ITPR2: variants seen among roughly 807,000 people sequenced by gnomAD.
ITPR2 encodes inositol 1,4,5-trisphosphate receptor type 2.
In ITPR2, 207 loss-of-function variants were observed where a neutral mutation model predicts 317.1. The observed-to-expected ratio is 0.65, with a 90% CI of 0.58 to 0.73. The LOEUF (loss-of-function observed/expected upper bound fraction) is 0.73, where lower values mean the gene tolerates loss of function less well. Ranked by LOEUF, ITPR2 falls within the 30% of genes least tolerant of loss-of-function variation. ITPR2 has a pLI of 0.00. For synonymous variants in ITPR2, 1,156 were observed against 1,149.1 expected, an observed-to-expected ratio of 1.01 and a Z score of -0.12; for missense variants, 2,613 against 3,284.0, an observed-to-expected ratio of 0.80 and a Z score of 4.99.
At chr12:26,769,440 G>C (rs1022546538) in intron 2 of ITPR2, among the ~76,000 whole-genome samples, 1 of 152,054 alleles carries the variant, frequency 6.6e-6, no homozygotes, top group Non-Finnish European at 1.5e-5. Context: ...AGGAAAGGCA[G>C]TTGACTTCGG....
Position 26,491,472 on chromosome 12 carries a change from G to C in ITPR2, c.5370+2681C>G, listed in dbSNP as rs1424516350. On this transcript the variant is annotated intron_variant, in intron 39 of 56. Transcript: ENST00000381340. Reference sequence around the variant, plus strand: ...CACTCCAGCCTGGGCCACAGAGCAAGACTCCATCTCAAAAAAAAAAAAAAA... The same window carrying C: ...CACTCCAGCCTGGGCCACAGAGCAACACTCCATCTCAAAAAAAAAAAAAAA... Among the ~76,000 whole-genome samples, 28 of 94,466 alleles carry C rather than the reference G, an allele frequency of 3.0e-4. No homozygotes were observed. The Admixed American group carries it at 5.0e-3, about 17-fold the overall frequency. 62.0% of individuals were successfully genotyped at this position (94,466 alleles called of 152,430 possible). A position where few individuals can be genotyped will look rare whatever the true frequency, so the allele number is the denominator to read the frequency against.
chr12:26,342,227 T>G (rs1475569280), intron 55 of ITPR2, among the ~76,000 whole-genome samples: 1 of 152,130 alleles, frequency 6.6e-6, no homozygotes, highest in African/African-American at 2.4e-5. Context: ...GTTGATGTGA[T>G]GCATGTTAAT....
At chr12:26,611,122 G>A (rs369000065) in intron 26 of ITPR2, among the ~76,000 whole-genome samples, 3 of 152,304 alleles carry the variant, frequency 2.0e-5, no homozygotes, top group Non-Finnish European at 2.9e-5. Flanking sequence ...GGAATCTTTC[G>A]AACACTAGCC....
chr12:26,486,038 A>C, intron 41 of ITPR2, 66 bp downstream of exon 41: 3 of 1,552,414 alleles, frequency 1.9e-6, no homozygotes, highest in Non-Finnish European at 2.7e-6. Flanking sequence ...TGTTGGTTTT[A>C]TTTGAATTTA....
chr12:26,342,385 AGTGAGGTGCC>A (rs1938147203), intron 55 of ITPR2, among the ~76,000 whole-genome samples: 1 of 151,814 alleles, frequency 6.6e-6, no homozygotes, highest in Non-Finnish European at 1.5e-5. Context: ...AAATGAAGAA[AGTGAGGTGCC>A]ATGGTTTAGA....
chr12:26,719,676 A>G (rs537218617), intron 5 of ITPR2, among the ~76,000 whole-genome samples: 1 of 152,280 alleles, frequency 6.6e-6, no homozygotes, highest in African/African-American at 2.4e-5. Flanking sequence ...ATATGTATAC[A>G]TGTGTCATGT....
intron 45 of ITPR2, among the ~76,000 whole-genome samples, chr12:26,456,344 T>C (rs973241914): frequency 1.3e-5 from 2 of 152,248 alleles, no homozygotes; most frequent in African/African-American, 2.4e-5. Flanking sequence ...AGCAGCGCCA[T>C]GACAGTTTAC....
At chr12:26,396,038 G>T (rs1254820804) in intron 54 of ITPR2, among the ~76,000 whole-genome samples, 1 of 152,116 alleles carries the variant, frequency 6.6e-6, no homozygotes, top group Non-Finnish European at 1.5e-5. Context: ...TTATGATAAG[G>T]CTGAAAGAGG....
intron 2 of ITPR2, among the ~76,000 whole-genome samples, chr12:26,776,500 A>G (rs1438283852): frequency 6.6e-6 from 1 of 152,208 alleles, no homozygotes; most frequent in Non-Finnish European, 1.5e-5. Flanking sequence ...CCTGCAACAA[A>G]AAGTGCATGC....
Position 26,600,112 on chromosome 12 carries a change from G to A in ITPR2, c.3679-3C>T, listed in dbSNP as rs752263962. On this transcript the variant is annotated splice_region_variant and splice_polypyrimidine_tract_variant and intron_variant, in intron 28 of 56. Transcript: ENST00000381340. ...ACTTCATTCATCTTTTCATCATTCT[G>A]TAAGTTAAAGAATAGCACATGATAG... 6.2e-7 allele frequency: 1 copy of A among 1,605,426 alleles called. No individual in the cohort carries two copies. Among genetic ancestry groups the A allele is most frequent in the Admixed American group, 1.7e-5 (1 of 59,836 alleles).
At chr12:26,640,184 G>T (rs1053165001) in intron 21 of ITPR2, among the ~76,000 whole-genome samples, 3 of 152,086 alleles carry the variant, frequency 2.0e-5, no homozygotes, top group African/African-American at 4.8e-5. Flanking sequence ...GTAGTAGACA[G>T]CTTAGAACAA....
intron 34 of ITPR2, among the ~76,000 whole-genome samples, chr12:26,567,980 A>ATATATTATATATATAT (rs1945032451): frequency 2.6e-4 from 2 of 7,606 alleles, no homozygotes; most frequent in African/African-American, 5.8e-4. Context: ...TATATATATT[A>ATATATTATATATATAT]TATATATATA....
At chr12:26,403,461 C>T (rs535810520) in intron 52 of ITPR2, among the ~76,000 whole-genome samples, 12 of 152,196 alleles carry the variant, frequency 7.9e-5, no homozygotes, top group Non-Finnish European at 1.3e-4. Flanking sequence ...GTAAAAGACA[C>T]AGAAGTGGAA....
intron 34 of ITPR2, 70 bp downstream of exon 34, chr12:26,578,643 T>C: frequency 7.2e-7 from 1 of 1,397,068 alleles, no homozygotes; most frequent in Non-Finnish European, 9.9e-7. Flanking sequence ...GCTGCTTGTG[T>C]TGCCCATTAG....
In ITPR2 at chr12:26,686,591, T is replaced by C. The variant is rs539202967; in HGVS notation, c.1038A>G (p.Ala346=). 6.2e-7 allele frequency: 1 copy of C among 1,611,654 alleles called. No individual in the cohort carries two copies. The highest frequency in any genetic ancestry group is 8.5e-7 in the Non-Finnish European group (1 of 1,178,644). The change falls in exon 11 of 57, where the codon GCA becomes GCG. Residue 346 remains alanine, a synonymous_variant. Transcript: ENST00000381340. ...VPPTSKKKRQ[A]GEKIMYTLVS... ...CCAAAGTATACATGATCTTCTCCCC[T>C]GCCTGGCGTTTTTTCTTTGAAGTTG...
At chr12:26,495,114 G>A in intron 38 of ITPR2, 38 bp downstream of exon 38, 1 of 1,043,316 alleles carries the variant, frequency 9.6e-7, no homozygotes, top group South Asian at 1.3e-5. Context: ...GATGTATCAT[G>A]AGAATCCTAA....
At position 26,692,709 on chromosome 12, in the gene ITPR2, C is replaced by T. The variant is rs149348572; in HGVS notation, c.996+2897G>A. On this transcript the variant is annotated intron_variant, in intron 10 of 56. Transcript: ENST00000381340. ...TCTTAATGGGAGCTCTGACACACAC[C>T]GCCTCATTTCAGTGGCACCATGCAT... Among the ~76,000 whole-genome samples, 7 of 152,176 alleles carry T rather than the reference C, an allele frequency of 4.6e-5. No individual in the cohort carries two copies. In the East Asian group the frequency reaches 1.2e-3, roughly 25 times the overall value.
rs182241421 is a variant in ITPR2 at position 26,538,363 on chromosome 12, G to A, written c.5073+11884C>T. 1.7e-3 allele frequency among the ~76,000 whole-genome samples: 257 copies of A among 151,566 alleles called. 1 individual carries two copies. The highest frequency in any genetic ancestry group is 6.0e-3 in the African/African-American group (247 of 41,378). On this transcript the variant is annotated intron_variant, in intron 37 of 56. Transcript: ENST00000381340. ...ACCTTTTTGAAAAAAAAAAAGATTT[G>A]CTTAACCTTCAGGTTGCTAGAACTA...
In ITPR2 at chr12:26,569,751, G is replaced by C. The variant is rs541319837; in HGVS notation, c.4631-7799C>G. On this transcript the variant is annotated intron_variant, in intron 34 of 56. Transcript: ENST00000381340. ...TGTTTTTTTCCTCACTCATAAAAAA[G>C]AGAAACACACATTAAAACTACAAAA... Among the ~76,000 whole-genome samples, 45 of 152,122 alleles carry C rather than the reference G, an allele frequency of 3.0e-4. No homozygotes were observed. The South Asian group carries it at 4.6e-3, about 15-fold the overall frequency.
Sources: gnomAD v4.1 joint callset for allele counts (sites outside exome capture counted in the v4.1 genomes callset) on GRCh38, gnomAD v4.1.1 for gene constraint, MANE v1.5 for transcripts, NCBI Gene and HGNC (gene_info 2026-07-23, HGNC 2026-07-21) for gene names.